RHPN1: variants seen among roughly 807,000 people sequenced by gnomAD.
RHPN1 encodes rhophilin-1.
RHPN1 carries 77 observed loss-of-function variants against 74.7 expected under a neutral mutation model. That is an observed-to-expected ratio of 1.03 (90% CI 0.86 to 1.25). The LOEUF is 1.25. Among genes scored for constraint, RHPN1 ranks in the 50% most tolerant of loss-of-function variants. RHPN1 has a pLI of 0.00. For synonymous variants in RHPN1, 444 were observed against 414.5 expected, an observed-to-expected ratio of 1.07 and a Z score of -0.87; for missense variants, 987 against 932.2, an observed-to-expected ratio of 1.06 and a Z score of -0.77.
upstream of RHPN1, among the ~76,000 whole-genome samples, chr8:143,365,047 C>A (rs1817542010): frequency 6.6e-6 from 1 of 152,098 alleles, no homozygotes; most frequent in South Asian, 2.1e-4. Context: ...AGGTGCAAAC[C>A]CACACTCCAA....
intron 1 of RHPN1, 90 bp downstream of exon 1, chr8:143,369,137 T>C: frequency 1.0e-6 from 1 of 991,706 alleles, no homozygotes; most frequent in Admixed American, 3.7e-5. Flanking sequence ...GGCGCCCCCC[T>C]CCTACGTCTC....
chr8:143,380,276 G>A (rs547883632), intron 10 of RHPN1, 101 bp downstream of exon 10: 46 of 851,120 alleles, frequency 5.4e-5, no homozygotes, highest in African/African-American at 4.9e-4. Flanking sequence ...TGCTGTCCCC[G>A]TGCTGACGAG....
At chr8:143,375,023 G>A (rs1040163907) in intron 1 of RHPN1, among the ~76,000 whole-genome samples, 4 of 152,196 alleles carry the variant, frequency 2.6e-5, no homozygotes, top group East Asian at 1.9e-4. Flanking sequence ...ACCAACCATC[G>A]GGGGCCAGTG....
chr8:143,374,060 C>T (rs568906990), intron 1 of RHPN1: 2 of 940,918 alleles, frequency 2.1e-6, no homozygotes, highest in Non-Finnish European at 2.5e-6. Flanking sequence ...TCAAACCTTT[C>T]TTGTATAATG....
intron 7 of RHPN1, 106 bp downstream of exon 7, chr8:143,379,184 G>C (rs1194543464): frequency 6.5e-6 from 9 of 1,378,528 alleles, no homozygotes; most frequent in African/African-American, 1.5e-5. Context: ...CAGTCCCTCA[G>C]GTAGGGGGAG....
chr8:143,364,589 G>A (rs1817538438), upstream of RHPN1, among the ~76,000 whole-genome samples: 2 of 151,812 alleles, frequency 1.3e-5, no homozygotes, highest in Admixed American at 1.3e-4. The surrounding 1 kb of genome is among the most constrained non-coding windows in gnomAD (Gnocchi z 4.5). Flanking sequence ...GTTCTCAGTG[G>A]CTCTTTTTTT....
At position 143,378,356 on chromosome 8, in the gene RHPN1, T is replaced by TCCCACCCCC. The variant is rs1586823080; in HGVS notation, c.459+13_459+14insACCCCCCCC. 15 of 1,525,436 alleles carry TCCCACCCCC rather than the reference T, an allele frequency of 9.8e-6. No individual in the cohort carries two copies. Among genetic ancestry groups the TCCCACCCCC allele is most frequent in the South Asian group, 2.4e-5 (2 of 83,566 alleles). The allele number at this position is 1,525,436 out of a possible 1,614,324, so 94.5% of individuals were successfully genotyped here. A position where few individuals can be genotyped will look rare whatever the true frequency, so the allele number is the denominator to read the frequency against. ...GGAGGCCCTGCGGCAGGTGTGTGGT[T>TCCCACCCCC]CCCCCGCCCACCCACCCTCCTGCAG... On this transcript the variant is annotated intron_variant, in intron 5 of 14. Transcript: ENST00000289013.
intron 1 of RHPN1, among the ~76,000 whole-genome samples, chr8:143,373,770 C>G (rs1415723098): frequency 6.6e-6 from 1 of 151,964 alleles, no homozygotes; most frequent in Non-Finnish European, 1.5e-5. Flanking sequence ...CTGTCTCTGC[C>G]TTCCCATGGC....
Position 143,380,523 on chromosome 8 carries a change from CCTT to C in RHPN1, c.1217-63_1217-61del, listed in dbSNP as rs541307803. On this transcript the variant is annotated intron_variant, in intron 10 of 14. Coordinates refer to ENST00000289013, the MANE Select transcript of RHPN1 (RefSeq NM_052924.3). ...CCCCACAGCCCTGGCGTTGCCCACT[CCTT>C]CTGCCACGTCCCAGGGCCCACGGGC... The C allele has an allele frequency of 4.9e-5, 68 of 1,386,454 alleles. No homozygotes were observed. The East Asian group carries it at 1.1e-3, about 22-fold the overall frequency. 85.9% of individuals were successfully genotyped at this position (1,386,454 alleles called of 1,614,324 possible). A position where few individuals can be genotyped will look rare whatever the true frequency, so the allele number is the denominator to read the frequency against.
chr8:143,375,518 G>A (rs747171018), intron 1 of RHPN1, 35 bp from the exon 2 acceptor site: 3 of 1,483,240 alleles, frequency 2.0e-6, no homozygotes, highest in Non-Finnish European at 2.7e-6. Context: ...GGGCGCCACG[G>A]GGTCGGGCTG....
upstream of RHPN1, among the ~76,000 whole-genome samples, chr8:143,364,328 C>G (rs944296572): frequency 6.6e-6 from 1 of 152,178 alleles, no homozygotes; most frequent in Non-Finnish European, 1.5e-5. The surrounding 1 kb of genome is among the most constrained non-coding windows in gnomAD (Gnocchi z 4.5). Flanking sequence ...CAACCATGGG[C>G]GTCTCCCTCC....
Position 143,380,074 on chromosome 8 carries a change from G to A in RHPN1, c.1115G>A (p.Gly372Glu), listed in dbSNP as rs1226932809. The A allele has an allele frequency of 1.3e-6, 2 of 1,549,916 alleles. No homozygotes were observed. The highest frequency in any genetic ancestry group is 1.2e-5 in the South Asian group (1 of 83,856). ...CTCTGTCCCCCAGCAGCGACCGAGGGAGAGCTCCCCACGCACGAGCAGGTC... is the reference window on the plus strand; with the variant it reads ...CTCTGTCCCCCAGCAGCGACCGAGGAAGAGCTCCCCACGCACGAGCAGGTC... ...ALCDGSPATE[G>E]ELPTHEQVFL... The change falls in exon 10 of 15, where the codon GGA becomes GAA. Residue 372 changes from glycine (G) to glutamate (E), a missense_variant. Coordinates refer to ENST00000289013, the MANE Select transcript of RHPN1 (RefSeq NM_052924.3).
chr8:143,376,840 C>CTG (rs545109711), intron 3 of RHPN1, among the ~76,000 whole-genome samples, 187 bp downstream of exon 3: 98 of 130,644 alleles, frequency 7.5e-4, no homozygotes, highest in African/African-American at 2.8e-3. Flanking sequence ...CTGTGCATCT[C>CTG]TGTGTGTGTG....
chr8:143,376,474 C>A (rs1444764417), intron 2 of RHPN1, 51 bp from the exon 3 acceptor site: 7 of 1,601,754 alleles, frequency 4.4e-6, no homozygotes, highest in African/African-American at 4.0e-5. Flanking sequence ...GGGCACGGGG[C>A]CTTTGGCTCT....
At chr8:143,371,491 G>A (rs1817818273) in intron 1 of RHPN1, among the ~76,000 whole-genome samples, 1 of 152,148 alleles carries the variant, frequency 6.6e-6, no homozygotes, top group African/African-American at 2.4e-5. Context: ...GGGGGAGAGT[G>A]GAGGTCTGGC....
At chr8:143,380,324 A>T in intron 10 of RHPN1, 149 bp downstream of exon 10, 1 of 698,854 alleles carries the variant, frequency 1.4e-6, no homozygotes, top group Non-Finnish European at 2.3e-6. Flanking sequence ...CCTGTGCCTG[A>T]TGGGTGACGG....
In RHPN1 at chr8:143,377,079, C is replaced by T. The variant is rs546606182; in HGVS notation, c.306-301C>T. 1.0e-3 allele frequency among the ~76,000 whole-genome samples: 153 copies of T among 148,140 alleles called. 1 individual carries two copies. Among genetic ancestry groups the T allele is most frequent in the African/African-American group, 3.6e-3 (146 of 40,062 alleles). Reference sequence around the variant, plus strand: ...GTGTGTGCGCGTGTGTGTGTCTGCACGTGTGTGCATATATGTGTGTGCGTG... The same window carrying T: ...GTGTGTGCGCGTGTGTGTGTCTGCATGTGTGTGCATATATGTGTGTGCGTG... On this transcript the variant is annotated intron_variant, in intron 3 of 14. Transcript: ENST00000289013.
chr8:143,373,825 C>T (rs1332824452), intron 1 of RHPN1, among the ~76,000 whole-genome samples: 4 of 152,066 alleles, frequency 2.6e-5, no homozygotes, highest in Non-Finnish European at 1.5e-5. Flanking sequence ...CGTATAAGGA[C>T]CCTTGTCACT....
chr8:143,371,662 T>C (rs2130541118), intron 1 of RHPN1, among the ~76,000 whole-genome samples: 1 of 152,310 alleles, frequency 6.6e-6, no homozygotes, highest in Admixed American at 6.5e-5. Context: ...CTGTTCTTCG[T>C]CCCTCTCCAT....
Sources: allele counts gnomAD v4.1 joint callset (sites outside exome capture counted in the v4.1 genomes callset), GRCh38; gene constraint gnomAD v4.1.1; non-coding constraint Gnocchi (gnomAD v3.1); transcripts MANE v1.5; gene names NCBI Gene and HGNC (gene_info 2026-07-23, HGNC 2026-07-21).